CTNND2: variants seen among roughly 807,000 people sequenced by gnomAD.
CTNND2 encodes the protein catenin delta-2.
In CTNND2, 22 loss-of-function variants were observed where a neutral mutation model predicts 144.4. The ratio of observed to expected loss-of-function variants is 0.15; its 90% CI spans 0.11 to 0.22. CTNND2 has a LOEUF of 0.22. Among genes scored for constraint, CTNND2 ranks in the 10% least tolerant of loss-of-function variants. The pLI is 1.00. For synonymous variants in CTNND2, 751 were observed against 695.6 expected (o/e 1.08, Z -1.25); for missense variants, 1,353 against 1,618.8 (o/e 0.84, Z 2.82).
At chr5:11,347,587 C>T (rs966577252) in intron 8 of CTNND2, among the ~76,000 whole-genome samples, 1 of 152,054 alleles carries the variant, frequency 6.6e-6, no homozygotes, top group African/African-American at 2.4e-5. Flanking sequence ...AGAATATGAC[C>T]AGTTATTAAC....
intron 11 of CTNND2, among the ~76,000 whole-genome samples, chr5:11,189,976 C>T (rs1199570368): frequency 6.6e-6 from 1 of 152,162 alleles, no homozygotes; most frequent in Non-Finnish European, 1.5e-5. Context: ...TCTGCCTGTG[C>T]ATATGATTTG....
At chr5:11,543,157 G>A (rs544561579) in intron 3 of CTNND2, among the ~76,000 whole-genome samples, 1 of 152,258 alleles carries the variant, frequency 6.6e-6, no homozygotes, top group South Asian at 2.1e-4. Context: ...TTATTCAAGG[G>A]CAACCAATAT....
intron 11 of CTNND2, among the ~76,000 whole-genome samples, chr5:11,190,366 C>A (rs1736118694): frequency 6.6e-6 from 1 of 152,248 alleles, no homozygotes; most frequent in South Asian, 2.1e-4. Context: ...ATGAGGAACT[C>A]TGCTTCCCCT....
intron 8 of CTNND2, among the ~76,000 whole-genome samples, chr5:11,363,798 G>A (rs1259218213): frequency 6.6e-6 from 1 of 152,192 alleles, no homozygotes; most frequent in Non-Finnish European, 1.5e-5. Flanking sequence ...GTCTGAGGAT[G>A]TAGAGATCTG....
At chr5:11,656,700 A>G (rs1026378259) in intron 2 of CTNND2, among the ~76,000 whole-genome samples, 2 of 152,156 alleles carry the variant, frequency 1.3e-5, no homozygotes, top group African/African-American at 4.8e-5. Context: ...GAGCCACAAA[A>G]GATGCACAAC....
chr5:11,608,353 T>C (rs1290528513), intron 2 of CTNND2, among the ~76,000 whole-genome samples: 1 of 152,108 alleles, frequency 6.6e-6, no homozygotes, highest in Non-Finnish European at 1.5e-5. Flanking sequence ...ACTTCCCATC[T>C]CCACTGGGTA....
At chr5:11,650,669 G>T (rs1199927258) in intron 2 of CTNND2, among the ~76,000 whole-genome samples, 1 of 152,180 alleles carries the variant, frequency 6.6e-6, no homozygotes, top group African/African-American at 2.4e-5. Context: ...GAACTTACTG[G>T]GAACTGAAGT....
At chr5:11,118,968 TCA>T (rs979127422) in intron 12 of CTNND2, among the ~76,000 whole-genome samples, 2 of 152,128 alleles carry the variant, frequency 1.3e-5, no homozygotes, top group African/African-American at 2.4e-5. Context: ...GCCTCCCCCT[TCA>T]CACTCTCTTG....
At chr5:11,717,784 T>C (rs1338329025) in intron 2 of CTNND2, among the ~76,000 whole-genome samples, 3 of 152,048 alleles carry the variant, frequency 2.0e-5, no homozygotes, top group African/African-American at 4.8e-5. Flanking sequence ...ATGAGACTTA[T>C]TTACTACCAT....
At chr5:11,740,669 C>G (rs1362926709) in intron 1 of CTNND2, among the ~76,000 whole-genome samples, 1 of 152,124 alleles carries the variant, frequency 6.6e-6, no homozygotes, top group Non-Finnish European at 1.5e-5. Flanking sequence ...GCAATGCCAA[C>G]AAAAGCCAAA....
intron 9 of CTNND2, among the ~76,000 whole-genome samples, chr5:11,314,713 T>A (rs1751324657): frequency 6.6e-6 from 1 of 152,190 alleles, no homozygotes; most frequent in Non-Finnish European, 1.5e-5. Flanking sequence ...CTACCAAAAT[T>A]TGGCTAACCA....
chr5:11,541,840 C>CG (rs1189909708), intron 3 of CTNND2, among the ~76,000 whole-genome samples: 1 of 88,386 alleles, frequency 1.1e-5, no homozygotes, highest in Admixed American at 1.4e-4. Context: ...TATTATCGAC[C>CG]CCCCCCCCCC....
At chr5:11,236,243 C>A (rs975361242) in intron 10 of CTNND2, among the ~76,000 whole-genome samples, 48 of 152,194 alleles carry the variant, frequency 3.2e-4, no homozygotes, top group Admixed American at 5.2e-4. Context: ...AATTTAGTGC[C>A]TAGAGTCCTT....
chr5:11,531,392 G>A (rs900443184), intron 3 of CTNND2, among the ~76,000 whole-genome samples: 48 of 152,116 alleles, frequency 3.2e-4, no homozygotes, highest in African/African-American at 1.1e-3. Context: ...TTGGGAGGCC[G>A]AGGAGGGTAG....
intron 3 of CTNND2, among the ~76,000 whole-genome samples, chr5:11,496,665 T>G (rs1369446962): frequency 6.6e-6 from 1 of 152,138 alleles, no homozygotes; most frequent in African/African-American, 2.4e-5. Flanking sequence ...TAAAAGGAAT[T>G]TGCCACAAAT....
Position 11,671,634 on chromosome 5 carries a change from T to C in CTNND2, c.174+60502A>G, listed in dbSNP as rs1449117264. Among the ~76,000 whole-genome samples the C allele has an allele frequency of 1.1e-4, 16 of 152,060 alleles. No individual in the cohort carries two copies. The South Asian group carries it at 2.7e-3, about 26-fold the overall frequency. The stretch of plus-strand genomic sequence containing the variant: ...TGTTTTCTTCAGCTCCATCAAGTCA[T>C]TTATGTTCTTCTCTAAACTGGATAT... On this transcript the variant is annotated intron_variant, in intron 2 of 21. Transcript: ENST00000304623.
intron 12 of CTNND2, among the ~76,000 whole-genome samples, chr5:11,140,123 A>G (rs1051879289): frequency 6.6e-6 from 1 of 152,194 alleles, no homozygotes; most frequent in African/African-American, 2.4e-5. Context: ...ATGTAATTTA[A>G]GGTCTTCACA....
intron 12 of CTNND2, among the ~76,000 whole-genome samples, chr5:11,142,677 G>A (rs928735974): frequency 1.3e-5 from 2 of 149,034 alleles, no homozygotes; most frequent in Non-Finnish European, 1.5e-5. Flanking sequence ...GCAGTGGCGC[G>A]ATCTCGACTC....
chr5:11,012,046 A>G (rs1428144730), intron 18 of CTNND2, among the ~76,000 whole-genome samples: 1 of 152,236 alleles, frequency 6.6e-6, no homozygotes, highest in Non-Finnish European at 1.5e-5. Context: ...GCCTGTGGAC[A>G]GGATGGCAGA....
Sources: allele counts gnomAD v4.1 joint callset (sites outside exome capture counted in the v4.1 genomes callset), GRCh38; gene constraint gnomAD v4.1.1; transcripts MANE v1.5; gene names NCBI Gene and HGNC (gene_info 2026-07-23, HGNC 2026-07-21).